The following CCDC150 variants were observed in gnomAD, a reference collection of about 807,000 sequenced individuals.
CCDC150 encodes the protein coiled-coil domain-containing protein 150.
A neutral mutation model predicts 156.5 loss-of-function variants in CCDC150; 151 were observed. That is an observed-to-expected ratio of 0.97 (90% CI 0.85 to 1.10). CCDC150 has a LOEUF of 1.10. Among genes scored for constraint, CCDC150 ranks in the 50% least tolerant of loss-of-function variants. CCDC150 has a pLI of 0.00. For missense variants in CCDC150, 1,312 were observed against 1,268.1 expected, an observed-to-expected ratio of 1.03 and a Z score of -0.53; for synonymous variants, 452 against 429.4, an observed-to-expected ratio of 1.05 and a Z score of -0.65.
chr2:196,731,917 C>T (rs1326038279), intron 26 of CCDC150, 116 bp from the exon 27 acceptor site: 3 of 879,694 alleles, frequency 3.4e-6, no homozygotes, highest in Non-Finnish European at 5.3e-6. Flanking sequence ...TTGTGAAGAA[C>T]AAGCAGTCAG....
chr2:196,702,188 A>C (rs917965512), intron 15 of CCDC150, among the ~76,000 whole-genome samples: 1 of 152,152 alleles, frequency 6.6e-6, no homozygotes, highest in African/African-American at 2.4e-5. Context: ...GTTGGAGGCT[A>C]TGGTGAGTTA....
At position 196,665,569 on chromosome 2, in the gene CCDC150, A is replaced by G. The variant is rs1575784497; in HGVS notation, c.648A>G (p.Leu216=). 3.1e-6 allele frequency: 5 copies of G among 1,589,640 alleles called. No individual in the cohort carries two copies. Among genetic ancestry groups the G allele is most frequent in the Non-Finnish European group, 3.4e-6 (4 of 1,165,190 alleles). Reference sequence around the variant, plus strand: ...CTAACTGCAGTGTTGCTTTGTAGCTAAGGAGACAACTGGCTCAGGAGAAGT... The same window carrying G: ...CTAACTGCAGTGTTGCTTTGTAGCTGAGGAGACAACTGGCTCAGGAGAAGT... The part of the protein sequence containing the change: ...KRKMNLKIQE[L]RRQLAQEKYL... The change falls in exon 6 of 28, where the codon CTA becomes CTG. Residue 216 remains leucine, a splice_region_variant and synonymous_variant. Transcript: ENST00000389175.
intron 13 of CCDC150, among the ~76,000 whole-genome samples, chr2:196,687,355 T>C (rs1695181116): frequency 6.6e-6 from 1 of 152,242 alleles, no homozygotes; most frequent in East Asian, 1.9e-4. Flanking sequence ...TTGATTTACA[T>C]TTCTCTGATG....
At chr2:196,726,290 C>G (rs1698204447) in intron 22 of CCDC150, 191 bp downstream of exon 22, 1 of 519,864 alleles carries the variant, frequency 1.9e-6, no homozygotes, top group South Asian at 2.4e-5. Context: ...CTCTGCCCGA[C>G]AAAGGTGTGC....
chr2:196,650,480 G>C (rs534909812), intron 2 of CCDC150, among the ~76,000 whole-genome samples: 36 of 152,252 alleles, frequency 2.4e-4, no homozygotes, highest in Non-Finnish European at 4.4e-4. Flanking sequence ...TGCAGCCTCT[G>C]CCTCCCGGGT....
At chr2:196,686,918 C>T (rs1371126615) in intron 13 of CCDC150, among the ~76,000 whole-genome samples, 4 of 152,112 alleles carry the variant, frequency 2.6e-5, no homozygotes, top group African/African-American at 9.7e-5. Context: ...CAGCTCCATC[C>T]ATGATCACGA....
intron 13 of CCDC150, 112 bp from the exon 14 acceptor site, chr2:196,694,934 A>G (rs1438749178): frequency 3.7e-6 from 2 of 546,812 alleles, no homozygotes; most frequent in Non-Finnish European, 6.5e-6. Context: ...GAGGCAAGGA[A>G]ACATATGGAC....
chr2:196,666,014 T>C (rs757586105), intron 6 of CCDC150, among the ~76,000 whole-genome samples: 3 of 152,208 alleles, frequency 2.0e-5, no homozygotes, highest in South Asian at 4.1e-4. Context: ...ATCTCTGTTA[T>C]AGACATTGAT....
At chr2:196,718,670 A>T in intron 18 of CCDC150, 39 bp downstream of exon 18, 1 of 1,605,264 alleles carries the variant, frequency 6.2e-7, no homozygotes, top group Non-Finnish European at 8.5e-7. Context: ...GTCACTGAGA[A>T]GAAGCACTTA....
At chr2:196,643,398 G>A (rs902496133) in intron 1 of CCDC150, among the ~76,000 whole-genome samples, 4 of 151,746 alleles carry the variant, frequency 2.6e-5, no homozygotes, top group Non-Finnish European at 4.4e-5. Context: ...AATTCCTACC[G>A]CGACATGTTG....
At chr2:196,694,777 G>A (rs1038201963) in intron 13 of CCDC150, among the ~76,000 whole-genome samples, 21 of 152,144 alleles carry the variant, frequency 1.4e-4, no homozygotes, top group Non-Finnish European at 2.6e-4. Context: ...CAGGAGAATT[G>A]CTTGAACCCG....
chr2:196,712,895 A>G (rs1300950989), intron 17 of CCDC150, among the ~76,000 whole-genome samples, 156 bp downstream of exon 17: 1 of 152,250 alleles, frequency 6.6e-6, no homozygotes, highest in African/African-American at 2.4e-5. Context: ...GTGTTACCAG[A>G]AGAAAGTGAC....
At chr2:196,690,443 T>TGTAAATTCATATATGTAATTTAAAATAG (rs1695391878) in intron 13 of CCDC150, among the ~76,000 whole-genome samples, 1 of 152,178 alleles carries the variant, frequency 6.6e-6, no homozygotes, top group Non-Finnish European at 1.5e-5. Flanking sequence ...GAAGTTAATA[T>TGTAAATTCATATATGTAATTTAAAATAG]GTAAATTCAT....
At chr2:196,672,723 A>G (rs1313522783) in intron 9 of CCDC150, among the ~76,000 whole-genome samples, 2 of 152,210 alleles carry the variant, frequency 1.3e-5, no homozygotes, top group African/African-American at 4.8e-5. Context: ...CATTAAATAT[A>G]TGTATTTCCC....
chr2:196,640,231 T>C (rs1692131967), intron 1 of CCDC150, among the ~76,000 whole-genome samples: 1 of 152,214 alleles, frequency 6.6e-6, no homozygotes, highest in East Asian at 1.9e-4. Flanking sequence ...TAGACATTCG[T>C]TAAATTCCTG....
rs990266591 is a variant in CCDC150 at position 196,689,659 on chromosome 2, G to A, written c.1510-5387G>A. Among the ~76,000 whole-genome samples the A allele has an allele frequency of 1.1e-4, 16 of 151,646 alleles. No homozygotes were observed. The Middle Eastern group carries it at 0.014, about 131-fold the overall frequency. Reference sequence around the variant, plus strand: ...GGAGATTTTGGGCTGAGACAACGGGGTTTTCTAGATATACAATCATGTCAT... The same window carrying A: ...GGAGATTTTGGGCTGAGACAACGGGATTTTCTAGATATACAATCATGTCAT... On this transcript the variant is annotated intron_variant, in intron 13 of 27. Coordinates refer to ENST00000389175, the MANE Select transcript of CCDC150 (RefSeq NM_001080539.2).
intron 13 of CCDC150, among the ~76,000 whole-genome samples, chr2:196,681,094 G>A (rs1259504915): frequency 6.6e-6 from 1 of 152,162 alleles, no homozygotes; most frequent in Non-Finnish European, 1.5e-5. Context: ...CCCTGTACTA[G>A]TTAAGCAGTC....
At position 196,688,160 on chromosome 2, in the gene CCDC150, G is replaced by A. The variant is rs1695224717; in HGVS notation, c.1510-6886G>A. 2.0e-5 allele frequency among the ~76,000 whole-genome samples: 3 copies of A among 152,252 alleles called. No homozygotes were observed. In the South Asian group the frequency reaches 6.2e-4, roughly 32 times the overall value. On this transcript the variant is annotated intron_variant, in intron 13 of 27. Transcript: ENST00000389175. ...TGAAGAATGTCAATGGTAGTTTAAT[G>A]GGAATAGCATTGAATCTGTAAATTG... is the stretch of plus-strand genomic sequence containing the variant.
chr2:196,708,565 A>G (rs756770146), intron 15 of CCDC150, among the ~76,000 whole-genome samples: 4 of 152,054 alleles, frequency 2.6e-5, no homozygotes, highest in Admixed American at 6.6e-5. Flanking sequence ...TTAGCTGGTT[A>G]TTTTGCCCAT....
Sources: allele counts gnomAD v4.1 joint callset (sites outside exome capture counted in the v4.1 genomes callset), GRCh38; gene constraint gnomAD v4.1.1; transcripts MANE v1.5; gene names NCBI Gene and HGNC (gene_info 2026-07-23, HGNC 2026-07-21).